The following CACNA1C variants were observed in gnomAD, a reference collection of about 807,000 sequenced individuals.
CACNA1C encodes the protein voltage-dependent L-type calcium channel subunit alpha-1C.
A neutral mutation model predicts 229.0 loss-of-function variants in CACNA1C; 30 were observed. The observed-to-expected ratio is 0.13, with a 90% CI of 0.10 to 0.18. CACNA1C has a LOEUF of 0.18. Among genes scored for constraint, CACNA1C ranks in the 10% least tolerant of loss-of-function variants. CACNA1C has a pLI of 1.00. For missense variants in CACNA1C, 1,658 were observed against 2,845.0 expected (o/e 0.58, Z 9.49); for synonymous variants, 1,114 against 1,132.5 (o/e 0.98, Z 0.33).
chr12:2,592,612 G>A (rs1322089556), intron 18 of CACNA1C, among the ~76,000 whole-genome samples: 1 of 152,176 alleles, frequency 6.6e-6, no homozygotes, highest in Admixed American at 6.5e-5. Flanking sequence ...GAGAACGAAG[G>A]CGCTTCTTTA....
intron 13 of CACNA1C, among the ~76,000 whole-genome samples, chr12:2,570,123 A>T (rs1366545530): frequency 6.6e-6 from 1 of 152,164 alleles, no homozygotes; most frequent in African/African-American, 2.4e-5. Flanking sequence ...ACCTGGAAGG[A>T]ATTTTCAACC....
At chr12:2,153,621 T>C (rs984636331) in intron 3 of CACNA1C, among the ~76,000 whole-genome samples, 13 of 152,202 alleles carry the variant, frequency 8.5e-5, no homozygotes, top group Admixed American at 6.5e-4. Flanking sequence ...GAGAGGCAAG[T>C]GGATCCCTTG....
chr12:2,636,402 A>G (rs1453066266), intron 30 of CACNA1C, among the ~76,000 whole-genome samples: 2 of 152,202 alleles, frequency 1.3e-5, no homozygotes, highest in African/African-American at 2.4e-5. Context: ...ATTTTCTAGG[A>G]TATAAAATTT....
intron 25 of CACNA1C, 52 bp from the exon 26 acceptor site, chr12:2,606,932 C>G: frequency 6.3e-7 from 1 of 1,591,158 alleles, no homozygotes; most frequent in South Asian, 1.1e-5. Context: ...GCAGGCCAGG[C>G]GTGAAGGAAG....
In CACNA1C at chr12:2,677,683, G is replaced by A; in HGVS notation, c.4957-50G>A. 2 of 1,581,140 alleles carry A rather than the reference G, an allele frequency of 1.3e-6. No homozygotes were observed. Among genetic ancestry groups the A allele is most frequent in the South Asian group, 2.3e-5 (2 of 87,146 alleles). ...GCCCGAGGCTGTGGCTGGCTGGGGAGCTTGGAGGAAAGGGAGCGTGGTCCT... is the reference window on the plus strand; with the variant it reads ...GCCCGAGGCTGTGGCTGGCTGGGGAACTTGGAGGAAAGGGAGCGTGGTCCT... On this transcript the variant is annotated intron_variant, in intron 40 of 46. Coordinates refer to ENST00000399655, the MANE Select transcript of CACNA1C (RefSeq NM_000719.7). This position sits in a 1 kb window ranked among gnomAD's most constrained non-coding sequence, Gnocchi z 7.4.
rs151129401 is a variant in CACNA1C, at chr12:2,114,803, C to T, written c.50-421C>T. On this transcript the variant is annotated intron_variant, in intron 1 of 46. Coordinates refer to ENST00000399655, the MANE Select transcript of CACNA1C (RefSeq NM_000719.7). ...CCTCCTTGCCCCTGTATCTTATGCT[C>T]ATTTTCCTCCTCACCTTCCTTAAAC... 3.0e-3 allele frequency among the ~76,000 whole-genome samples: 455 copies of T among 152,352 alleles called. 22 individuals are homozygous for T. The East Asian group carries it at 0.042, about 14-fold the overall frequency.
At chr12:2,241,732 T>C (rs985979074) in intron 3 of CACNA1C, among the ~76,000 whole-genome samples, 1 of 152,178 alleles carries the variant, frequency 6.6e-6, no homozygotes, top group African/African-American at 2.4e-5. Flanking sequence ...TAATCATTCA[T>C]GGGGGAATTT....
chr12:2,241,352 G>T (rs377425632), intron 3 of CACNA1C, among the ~76,000 whole-genome samples: 80 of 152,240 alleles, frequency 5.3e-4, no homozygotes, highest in African/African-American at 1.8e-3. Flanking sequence ...CCAAGGTCAC[G>T]TGAAAGAGCT....
intron 3 of CACNA1C, among the ~76,000 whole-genome samples, chr12:2,318,217 T>C (rs747382464): frequency 2.8e-4 from 42 of 152,362 alleles, no homozygotes; most frequent in Non-Finnish European, 2.5e-4. Flanking sequence ...CCCCTTGGCC[T>C]GGGCGCTCTC....
At chr12:2,140,562 A>G (rs1444685192) in intron 3 of CACNA1C, among the ~76,000 whole-genome samples, 2 of 151,292 alleles carry the variant, frequency 1.3e-5, no homozygotes, top group Admixed American at 6.6e-5. Context: ...CCTTGGGCAA[A>G]TGTCTTTGCT....
intron 4 of CACNA1C, 80 bp downstream of exon 4, chr12:2,449,195 C>A: frequency 9.5e-7 from 1 of 1,057,126 alleles, no homozygotes; most frequent in South Asian, 2.3e-5. Flanking sequence ...AAGACAGGGT[C>A]GTTGTCAGAC....
At chr12:2,375,356 C>G (rs958576088) in intron 3 of CACNA1C, among the ~76,000 whole-genome samples, 1 of 152,090 alleles carries the variant, frequency 6.6e-6, no homozygotes, top group Non-Finnish European at 1.5e-5. Context: ...GAATGATGCC[C>G]GGTGTCGTGG....
At chr12:2,352,824 C>A (rs2097245580) in intron 3 of CACNA1C, among the ~76,000 whole-genome samples, 1 of 152,150 alleles carries the variant, frequency 6.6e-6, no homozygotes, top group Non-Finnish European at 1.5e-5. Context: ...GATATAGGAT[C>A]TGAAAAGGCC....
At chr12:2,271,091 C>G (rs773907664) in intron 3 of CACNA1C, among the ~76,000 whole-genome samples, 1 of 152,088 alleles carries the variant, frequency 6.6e-6, no homozygotes, top group Non-Finnish European at 1.5e-5. Context: ...GTCCTGGGCC[C>G]GATAGGCTCT....
chr12:2,176,735 G>A (rs1251849609), intron 3 of CACNA1C, among the ~76,000 whole-genome samples: 1 of 152,110 alleles, frequency 6.6e-6, no homozygotes, highest in Non-Finnish European at 1.5e-5. Context: ...CTTCCTCCCC[G>A]AGTCTCTAAA....
intron 3 of CACNA1C, among the ~76,000 whole-genome samples, chr12:2,414,892 TC>T (rs1349354887): frequency 6.6e-6 from 1 of 152,070 alleles, no homozygotes; most frequent in Non-Finnish European, 1.5e-5. Context: ...GCTTTCTTTC[TC>T]CCAAGAACTG....
chr12:1,998,411 T>C (rs149645047), intron 1 of CACNA1C, among the ~76,000 whole-genome samples: 1 of 152,342 alleles, frequency 6.6e-6, no homozygotes, highest in Non-Finnish European at 1.5e-5. Context: ...CATTTTCTCC[T>C]GCCATATCCA....
At chr12:2,359,960 G>A (rs2154530241) in intron 3 of CACNA1C, among the ~76,000 whole-genome samples, 1 of 152,134 alleles carries the variant, frequency 6.6e-6, no homozygotes, top group Admixed American at 6.5e-5. Context: ...ACGGTGGTAG[G>A]GATTTCTGTA....
At chr12:2,004,356 G>A in intron 1 of CACNA1C, 1 of 1,613,294 alleles carries the variant, frequency 6.2e-7, no homozygotes, top group Non-Finnish European at 8.5e-7. Flanking sequence ...TTGATATAGG[G>A]GTCGTGGCGC....
Sources: gnomAD v4.1 joint callset for allele counts (sites outside exome capture counted in the v4.1 genomes callset) on GRCh38, gnomAD v4.1.1 for gene constraint, Gnocchi (gnomAD v3.1) non-coding constraint, MANE v1.5 for transcripts, NCBI Gene and HGNC (gene_info 2026-07-23, HGNC 2026-07-21) for gene names.